CXCL13: variants seen among roughly 807,000 people sequenced by gnomAD.
CXCL13 encodes C-X-C motif chemokine ligand 13.
In CXCL13, 7 loss-of-function variants were observed where a neutral mutation model predicts 12.2. The observed-to-expected ratio is 0.57, with a 90% CI of 0.33 to 1.07. CXCL13 has a LOEUF of 1.07. Among genes scored for constraint, CXCL13 ranks in the 50% least tolerant of loss-of-function variants. CXCL13 has a pLI of 0.04. For synonymous variants in CXCL13, 47 were observed against 42.4 expected, an observed-to-expected ratio of 1.11 and a Z score of -0.42; for missense variants, 113 against 127.4, an observed-to-expected ratio of 0.89 and a Z score of 0.55.
chr4:77,561,126 G>A (rs955798920), intron 1 of CXCL13, among the ~76,000 whole-genome samples: 1 of 152,050 alleles, frequency 6.6e-6, no homozygotes, highest in Non-Finnish European at 1.5e-5. Flanking sequence ...ATTTTCCAGG[G>A]AAAATATTGT....
At chr4:77,527,151 A>C (rs1724787186) in intron 1 of CXCL13, among the ~76,000 whole-genome samples, 1 of 152,180 alleles carries the variant, frequency 6.6e-6, no homozygotes, top group African/African-American at 2.4e-5. Context: ...GATGCCCAAC[A>C]CCATTAATCA....
chr4:77,589,041 C>T (rs1726547773), intron 1 of CXCL13, among the ~76,000 whole-genome samples: 1 of 152,134 alleles, frequency 6.6e-6, no homozygotes, highest in African/African-American at 2.4e-5. Flanking sequence ...GAACATATAC[C>T]TTTTGCAATT....
At chr4:77,518,323 C>T (rs922966069) in intron 1 of CXCL13, among the ~76,000 whole-genome samples, 19 of 152,186 alleles carry the variant, frequency 1.2e-4, no homozygotes, top group African/African-American at 4.1e-4. Flanking sequence ...CTGTATTTCC[C>T]TAATCTGAAT....
chr4:77,589,028 A>G (rs1173027336), intron 1 of CXCL13, among the ~76,000 whole-genome samples: 1 of 152,208 alleles, frequency 6.6e-6, no homozygotes, highest in Non-Finnish European at 1.5e-5. Flanking sequence ...GGAAAGGCTT[A>G]TAGAACATAT....
intron 1 of CXCL13, among the ~76,000 whole-genome samples, chr4:77,525,557 A>G (rs1724741931): frequency 6.6e-6 from 1 of 152,080 alleles, no homozygotes; most frequent in Non-Finnish European, 1.5e-5. Flanking sequence ...ATTAGCTCTC[A>G]TGGCTGGTCA....
At chr4:77,514,474 C>T (rs1216854048) in intron 1 of CXCL13, among the ~76,000 whole-genome samples, 5 of 144,182 alleles carry the variant, frequency 3.5e-5, no homozygotes, top group African/African-American at 1.3e-4. Context: ...CCTGTTGTTT[C>T]CTGACTTTTT....
chr4:77,553,882 A>G lies in CXCL13; in HGVS notation c.-43+42094A>G, dbSNP rs1319598352. On this transcript the variant is annotated intron_variant, in intron 1 of 4. Coordinates refer to the CXCL13 transcript ENST00000286758. ...AACAAATTGAAATATCTAGTGTACA[A>G]TGTAAGGACTATAGTTAATAGCGTA... Among the ~76,000 whole-genome samples the G allele has an allele frequency of 6.6e-5, 10 of 152,290 alleles. 1 individual carries two copies. In the East Asian group the frequency reaches 1.5e-3, roughly 23 times the overall value.
chr4:77,544,529 C>T (rs1211413719), intron 1 of CXCL13, among the ~76,000 whole-genome samples: 1 of 152,200 alleles, frequency 6.6e-6, no homozygotes, highest in African/African-American at 2.4e-5. Flanking sequence ...TGTCTGTAGG[C>T]TGCATAAATG....
chr4:77,523,851 C>T (rs202220214), intron 1 of CXCL13, among the ~76,000 whole-genome samples: 1 of 152,124 alleles, frequency 6.6e-6, no homozygotes, highest in African/African-American at 2.4e-5. Context: ...TGTGGCTTTA[C>T]CTACCTTGGT....
rs557196603 is a variant in CXCL13, at chr4:77,574,027, A to C, written c.-42-31797A>C. On this transcript the variant is annotated intron_variant, in intron 1 of 4. Transcript: ENST00000286758. ...TTTGAGGAAAACAAAGGGCTTGCTT[A>C]AAAGCCAGAGGTGTTGGCTGTTTGT... 3.9e-5 allele frequency among the ~76,000 whole-genome samples: 6 copies of C among 152,106 alleles called. No individual in the cohort carries two copies. The East Asian group carries it at 9.6e-4, about 24-fold the overall frequency.
chr4:77,557,068 C>G (rs946134723), intron 1 of CXCL13, among the ~76,000 whole-genome samples: 1 of 151,858 alleles, frequency 6.6e-6, no homozygotes, highest in African/African-American at 2.4e-5. Context: ...AAATGGGAAA[C>G]AAGGAGAGAA....
chr4:77,515,870 A>T (rs1355255668), intron 1 of CXCL13, among the ~76,000 whole-genome samples: 1 of 152,224 alleles, frequency 6.6e-6, no homozygotes, highest in Non-Finnish European at 1.5e-5. Context: ...GAGAGAGGGC[A>T]TCTCTGTCTT....
chr4:77,541,622 G>A (rs552043682), intron 1 of CXCL13, among the ~76,000 whole-genome samples: 3 of 152,134 alleles, frequency 2.0e-5, no homozygotes, highest in Non-Finnish European at 4.4e-5. Context: ...TAGCCTTATT[G>A]TGTAGTTTGA....
At chr4:77,548,561 A>G (rs539761721) in intron 1 of CXCL13, among the ~76,000 whole-genome samples, 13 of 152,362 alleles carry the variant, frequency 8.5e-5, no homozygotes, top group African/African-American at 2.9e-4. Flanking sequence ...ATTTATAATT[A>G]GTACATGAGA....
At chr4:77,552,600 G>C (rs1036406737) in intron 1 of CXCL13, among the ~76,000 whole-genome samples, 2 of 152,230 alleles carry the variant, frequency 1.3e-5, no homozygotes, top group Non-Finnish European at 2.9e-5. Flanking sequence ...GATGTGTGGG[G>C]CTGGACCAGG....
intron 1 of CXCL13, among the ~76,000 whole-genome samples, chr4:77,600,421 T>A (rs1726860901): frequency 6.6e-6 from 1 of 152,218 alleles, no homozygotes; most frequent in Non-Finnish European, 1.5e-5. Context: ...ATAAGGGTTC[T>A]CTTGCTGGAA....
chr4:77,577,861 A>G (rs761965613), intron 1 of CXCL13, among the ~76,000 whole-genome samples: 2 of 151,848 alleles, frequency 1.3e-5, no homozygotes, highest in Non-Finnish European at 2.9e-5. Flanking sequence ...TTCAGACTTT[A>G]CCCCTTTCGG....
chr4:77,516,664 C>A (rs1395677986), intron 1 of CXCL13, among the ~76,000 whole-genome samples: 11 of 152,114 alleles, frequency 7.2e-5, no homozygotes, highest in Non-Finnish European at 1.2e-4. Flanking sequence ...TCCCCTTTAT[C>A]ATTTTTTATT....
chr4:77,552,154 T>C (rs1578050277), intron 1 of CXCL13, among the ~76,000 whole-genome samples: 1 of 152,340 alleles, frequency 6.6e-6, no homozygotes, highest in East Asian at 1.9e-4. Context: ...TACATTCAGA[T>C]TTTTCATTGT....
Sources: allele counts gnomAD v4.1 joint callset (sites outside exome capture counted in the v4.1 genomes callset), GRCh38; gene constraint gnomAD v4.1.1; transcripts MANE v1.5; gene names NCBI Gene and HGNC (gene_info 2026-07-23, HGNC 2026-07-21).